Variants in PKHD1 observed in about 807,000 individuals in gnomAD.
PKHD1 encodes PKHD1 ciliary IPT domain containing fibrocystin/polyductin, also known as fibrocystin.
In PKHD1, 291 loss-of-function variants were observed where a neutral mutation model predicts 412.0. The ratio of observed to expected loss-of-function variants is 0.71; its 90% CI spans 0.64 to 0.78. The LOEUF (loss-of-function observed/expected upper bound fraction) is 0.78. Ranked by LOEUF, PKHD1 falls within the 30% of genes least tolerant of loss-of-function variation. The pLI, the probability that PKHD1 is intolerant of heterozygous loss-of-function variation, is 0.00. For synonymous variants in PKHD1, 1,777 were observed against 1,821.5 expected, an observed-to-expected ratio of 0.98 and a Z score of 0.62; for missense variants, 4,825 against 4,950.7, an observed-to-expected ratio of 0.97 and a Z score of 0.76.
chr6:51,935,934 C>G (rs916259924), intron 36 of PKHD1, among the ~76,000 whole-genome samples: 1 of 152,182 alleles, frequency 6.6e-6, no homozygotes, highest in South Asian at 2.1e-4. Context: ...CTCACCAAGG[C>G]CTTCCCTCTC....
intron 13 of PKHD1, among the ~76,000 whole-genome samples, chr6:52,064,751 G>C (rs1370193663): frequency 6.6e-6 from 1 of 151,616 alleles, no homozygotes; most frequent in African/African-American, 2.4e-5. Context: ...GCTGGAGCTA[G>C]AAGTGCAATG....
At chr6:51,914,845 C>G (rs994770259) in intron 37 of PKHD1, among the ~76,000 whole-genome samples, 1 of 151,974 alleles carries the variant, frequency 6.6e-6, no homozygotes, top group Admixed American at 6.6e-5. Flanking sequence ...CGCTCATGTC[C>G]TTGCTTCTTT....
At chr6:51,745,328 C>A (rs1785052737) in intron 59 of PKHD1, among the ~76,000 whole-genome samples, 1 of 152,102 alleles carries the variant, frequency 6.6e-6, no homozygotes, top group African/African-American at 2.4e-5. Context: ...TATGAGGATT[C>A]AATTCTCATG....
intron 50 of PKHD1, among the ~76,000 whole-genome samples, chr6:51,843,177 C>G (rs1019310189): frequency 6.6e-6 from 1 of 152,208 alleles, no homozygotes; most frequent in African/African-American, 2.4e-5. Flanking sequence ...TTCCTTGTGC[C>G]TGGGCCTAAA....
intron 60 of PKHD1, among the ~76,000 whole-genome samples, chr6:51,728,897 A>G (rs1166202199): frequency 6.6e-6 from 1 of 152,246 alleles, no homozygotes; most frequent in Non-Finnish European, 1.5e-5. Flanking sequence ...GGAATGGAAT[A>G]GTCAAGTTAT....
In PKHD1 at chr6:51,775,939, T is replaced by C; in HGVS notation, c.8441-18A>G. The C allele has an allele frequency of 5.4e-6, 6 of 1,112,496 alleles. No individual in the cohort carries two copies. Among genetic ancestry groups the C allele is most frequent in the Non-Finnish European group, 8.3e-6 (6 of 725,574 alleles). 68.9% of individuals were successfully genotyped at this position (1,112,496 alleles called of 1,614,324 possible). A position where few individuals can be genotyped will look rare whatever the true frequency, so the allele number is the denominator to read the frequency against. On this transcript the variant is annotated intron_variant, in intron 53 of 66. Coordinates refer to ENST00000371117, the MANE Select transcript of PKHD1 (RefSeq NM_138694.4). Reference sequence around the variant, plus strand: ...TAAAGTACCTGTTTACAAAGAAAAGTATATCATTCAAATCAATTTGAAATT... The same window carrying C: ...TAAAGTACCTGTTTACAAAGAAAAGCATATCATTCAAATCAATTTGAAATT...
rs571413386 is a variant in PKHD1, at chr6:51,926,466, T to C, written c.6121+7644A>G. On this transcript the variant is annotated intron_variant, in intron 37 of 66. Transcript: ENST00000371117. ...TGAAACCAAAAAAAGACCTGACTAATGCCGACACTTTCAAGTATATATAGA... is the reference window on the plus strand; with the variant it reads ...TGAAACCAAAAAAAGACCTGACTAACGCCGACACTTTCAAGTATATATAGA... 2.6e-5 allele frequency among the ~76,000 whole-genome samples: 4 copies of C among 152,302 alleles called. No individual in the cohort carries two copies. In the South Asian group the frequency reaches 8.3e-4, roughly 32 times the overall value.
In PKHD1 at chr6:51,856,060, G is replaced by A. The variant is rs200204857; in HGVS notation, c.7744C>T (p.Pro2582Ser). 658 of 1,599,152 alleles carry A rather than the reference G, an allele frequency of 4.1e-4. 6 individuals are homozygous for A. In the Middle Eastern group the frequency reaches 7.9e-3, roughly 19 times the overall value. Reference protein sequence around the residue: ...HRMSIGLANTPEVSYDLTMTD... With the variant: ...HRMSIGLANTSEVSYDLTMTD... ...ATGGTTAAATCATAAGAAACTTCAG[G>A]AGTATTCGCTCTAAGGTGATTTTAA... Residue 2582 changes from proline to serine, a missense_variant, in exon 49 of 67, where the codon CCT becomes TCT. Transcript: ENST00000371117.
chr6:51,744,467 A>G lies in PKHD1; in HGVS notation c.10074T>C (p.Asp3358=), dbSNP rs1332327354. 17 of 1,612,930 alleles carry G rather than the reference A, an allele frequency of 1.1e-5. No homozygotes were observed. The highest frequency in any genetic ancestry group is 1.4e-5 in the Non-Finnish European group (17 of 1,179,068). ...SPRKYLFKDL[D]GRALGLPPPV... Reference sequence around the variant, plus strand: ...GTGGAGGCAGACCCAGGGCTCTCCCATCCAGATCCTTGAAGAGATATTTTC... The same window carrying G: ...GTGGAGGCAGACCCAGGGCTCTCCCGTCCAGATCCTTGAAGAGATATTTTC... The change falls in exon 60 of 67, where the codon GAT becomes GAC. Residue 3358 remains aspartate, a synonymous_variant. Coordinates refer to ENST00000371117, the MANE Select transcript of PKHD1 (RefSeq NM_138694.4).
intron 60 of PKHD1, among the ~76,000 whole-genome samples, chr6:51,736,800 C>T (rs1783910721): frequency 6.6e-6 from 1 of 152,114 alleles, no homozygotes; most frequent in Non-Finnish European, 1.5e-5. Context: ...ATAATACCAT[C>T]TTGCTGTCAT....
intron 36 of PKHD1, 114 bp downstream of exon 36, chr6:51,959,756 G>A: frequency 1.0e-6 from 1 of 983,734 alleles, no homozygotes; most frequent in Admixed American, 1.7e-5. Flanking sequence ...TTTGGTCTGA[G>A]GATAAATTGT....
intron 60 of PKHD1, among the ~76,000 whole-genome samples, chr6:51,661,137 C>T (rs147391615): frequency 1.3e-3 from 191 of 152,222 alleles, no homozygotes; most frequent in African/African-American, 3.7e-3. Context: ...TATCTTAGGG[C>T]TTCTGTGTCA....
chr6:52,070,349 GA>G lies in PKHD1; in HGVS notation c.707+56del. ...GATAAAGAAAGTAAGCAAGATGAGAGAGATAGGTAATATAAAATGAAGACAA... is the reference window on the plus strand; with the variant it reads ...GATAAAGAAAGTAAGCAAGATGAGAGGATAGGTAATATAAAATGAAGACAA... On this transcript the variant is annotated intron_variant, in intron 10 of 66. Transcript: ENST00000371117. 5 of 1,013,726 alleles carry G rather than the reference GA, an allele frequency of 4.9e-6. No individual in the cohort carries two copies. In the South Asian group the frequency reaches 6.3e-5, roughly 13 times the overall value. 62.8% of individuals were successfully genotyped at this position (1,013,726 alleles called of 1,614,324 possible).
Position 51,649,127 on chromosome 6 carries a change from A to G in PKHD1, c.11268T>C (p.Asn3756=). The change falls in exon 62 of 67, where the codon AAT becomes AAC. Residue 3756 remains asparagine (N), a synonymous_variant. Coordinates refer to ENST00000371117, the MANE Select transcript of PKHD1 (RefSeq NM_138694.4). ...LVQPSDGEVG[N]ELPVQPQLVF... Reference sequence around the variant, plus strand: ...CCAATTGTGGCTGCACTGGAAGCTCATTTCCCACTTCTCCATCTGAAGGCT... The same window carrying G: ...CCAATTGTGGCTGCACTGGAAGCTCGTTTCCCACTTCTCCATCTGAAGGCT... The G allele has an allele frequency of 6.2e-7, 1 of 1,613,656 alleles. No individual in the cohort carries two copies. Among genetic ancestry groups the G allele is most frequent in the Non-Finnish European group, 8.5e-7 (1 of 1,179,582 alleles).
At position 51,615,980 on chromosome 6, in the gene PKHD1, T is replaced by C. The variant is rs985566728; in HGVS notation, c.*3101A>G. 1 of 150,058 alleles carries C rather than the reference T, an allele frequency of 6.7e-6. No individual in the cohort carries two copies. The highest frequency in any genetic ancestry group is 1.5e-5 in the Non-Finnish European group (1 of 67,488). 9.3% of individuals were successfully genotyped at this position (150,058 alleles called of 1,614,324 possible). ...TGTCCCCCTCCCCAAACAAAAAGCA[T>C]GGAGAAATGGTCAAAACAACCGTGG... On this transcript the variant is annotated 3_prime_UTR_variant, in exon 67 of 67. Coordinates refer to ENST00000371117, the MANE Select transcript of PKHD1 (RefSeq NM_138694.4).
chr6:52,082,254 T>G (rs576815038), intron 4 of PKHD1, 138 bp downstream of exon 4: 4 of 847,544 alleles, frequency 4.7e-6, no homozygotes, highest in South Asian at 2.8e-5. Flanking sequence ...AGAAAGCATA[T>G]TCACATGAAA....
At chr6:51,787,138 A>T (rs554352413) in intron 53 of PKHD1, among the ~76,000 whole-genome samples, 53 of 152,320 alleles carry the variant, frequency 3.5e-4, no homozygotes, top group Admixed American at 1.6e-3. Flanking sequence ...AGGCAGGCGG[A>T]TCACGAGTTC....
Position 51,951,036 on chromosome 6 carries a change from T to C in PKHD1, c.5908+8834A>G, listed in dbSNP as rs889544281. On this transcript the variant is annotated intron_variant, in intron 36 of 66. Coordinates refer to ENST00000371117, the MANE Select transcript of PKHD1 (RefSeq NM_138694.4). ...TCATTAAGGTAACCTTATAACTGTA[T>C]TAACTCTGTACTAATTACAGAGTGT... Among the ~76,000 whole-genome samples the C allele has an allele frequency of 2.6e-5, 4 of 152,276 alleles. No individual in the cohort carries two copies. In the East Asian group the frequency reaches 7.7e-4, roughly 29 times the overall value.
intron 55 of PKHD1, among the ~76,000 whole-genome samples, chr6:51,761,689 G>A (rs1788042003): frequency 6.6e-6 from 1 of 151,934 alleles, no homozygotes; most frequent in Non-Finnish European, 1.5e-5. Flanking sequence ...AAAACATCAT[G>A]TTGTACAGCA....
Sources: allele counts gnomAD v4.1 joint callset (sites outside exome capture counted in the v4.1 genomes callset), GRCh38; gene constraint gnomAD v4.1.1; transcripts MANE v1.5; gene names NCBI Gene and HGNC (gene_info 2026-07-23, HGNC 2026-07-21).